FER1L6: variants seen among roughly 807,000 people sequenced by gnomAD.
FER1L6 encodes the protein fer-1 like family member 6, also known as fer-1-like protein 6.
In FER1L6, 177 loss-of-function variants were observed where a neutral mutation model predicts 219.2. The observed-to-expected ratio is 0.81, with a 90% CI of 0.71 to 0.91. FER1L6 has a LOEUF of 0.91. FER1L6 is among the 40% of genes least tolerant of loss of function. The pLI, the probability that FER1L6 is intolerant of heterozygous loss-of-function variation, is 0.00. For synonymous variants in FER1L6, 768 were observed against 824.3 expected, an observed-to-expected ratio of 0.93 and a Z score of 1.17; for missense variants, 2,153 against 2,259.9, an observed-to-expected ratio of 0.95 and a Z score of 0.96.
intron 2 of FER1L6, among the ~76,000 whole-genome samples, chr8:123,962,625 T>C (rs2130183039): frequency 6.6e-6 from 1 of 152,250 alleles, no homozygotes; most frequent in Admixed American, 6.5e-5. Flanking sequence ...TTATTTCTGT[T>C]TTTTATTTTT....
intron 18 of FER1L6, among the ~76,000 whole-genome samples, chr8:124,032,386 C>A (rs1408096663): frequency 6.6e-6 from 1 of 152,112 alleles, no homozygotes; most frequent in Admixed American, 6.5e-5. Context: ...GATTGCACCA[C>A]TGCACTCTAG....
chr8:123,856,316 G>GTGTGTGTGTGTGTGTA (rs71576706), intron 1 of FER1L6, among the ~76,000 whole-genome samples: 4 of 45,112 alleles, frequency 8.9e-5, no homozygotes, highest in Non-Finnish European at 1.4e-4. Flanking sequence ...ATATGTATGT[G>GTGTGTGTGTGTGTGTA]TATATATATA....
rs1239715868 is a variant in FER1L6 at position 123,975,161 on chromosome 8, T to C, written c.538T>C (p.Cys180Arg). The change falls in exon 8 of 41, where the codon TGC (cysteine) becomes CGC (arginine). Residue 180 changes from cysteine (C) to arginine (R), a missense_variant. Physicochemically the swap from Cys to Arg is radical, Grantham distance 180 (BLOSUM62 -3). Coordinates refer to ENST00000522917, the MANE Select transcript of FER1L6 (RefSeq NM_001039112.2). ...TVYNQPGHQFCNKWALLTDPG... is the reference protein window; with the variant it reads ...TVYNQPGHQFRNKWALLTDPG... Reference sequence around the variant, plus strand: ...GGGTGCTTTCACAGGTCATCAGTTCTGCAACAAGTGGGCCCTGCTCACAGA... The same window carrying C: ...GGGTGCTTTCACAGGTCATCAGTTCCGCAACAAGTGGGCCCTGCTCACAGA... The C allele has an allele frequency of 6.2e-7, 1 of 1,603,772 alleles. No homozygotes were observed. The highest frequency in any genetic ancestry group is 1.7e-5 in the Admixed American group (1 of 59,472).
intron 12 of FER1L6, among the ~76,000 whole-genome samples, chr8:123,993,348 A>G (rs1368244860): frequency 2.0e-5 from 3 of 149,848 alleles, no homozygotes; most frequent in Non-Finnish European, 4.5e-5. Context: ...AGGCTGAGGC[A>G]GGAGAATGGC....
intron 39 of FER1L6, among the ~76,000 whole-genome samples, chr8:124,112,311 C>A (rs1357865271): frequency 6.6e-6 from 1 of 152,182 alleles, no homozygotes. Flanking sequence ...AGTGTCCCCC[C>A]AGCAGTATCA....
At chr8:123,946,319 T>C (rs936274389) in intron 1 of FER1L6, among the ~76,000 whole-genome samples, 1 of 152,206 alleles carries the variant, frequency 6.6e-6, no homozygotes, top group African/African-American at 2.4e-5. Context: ...TGGGGAGATC[T>C]TGGCTCACTG....
At chr8:124,006,727 C>T (rs1019207161) in intron 13 of FER1L6, among the ~76,000 whole-genome samples, 10 of 152,162 alleles carry the variant, frequency 6.6e-5, no homozygotes, top group Admixed American at 2.0e-4. Flanking sequence ...GGTCCTGTAT[C>T]GGGACAGCCA....
chr8:123,943,921 T>G, intron 1 of FER1L6, among the ~76,000 whole-genome samples: 1 of 151,974 alleles, frequency 6.6e-6, no homozygotes, highest in South Asian at 2.1e-4. Context: ...TAAGTACCAT[T>G]TGGATGGTAC....
At chr8:124,106,813 G>A (rs1429779741) in intron 39 of FER1L6, among the ~76,000 whole-genome samples, 1 of 152,002 alleles carries the variant, frequency 6.6e-6, no homozygotes, top group African/African-American at 2.4e-5. Context: ...GTATGTTTTT[G>A]CTTTCTGTTC....
chr8:124,060,122 C>T (rs2130821695), intron 22 of FER1L6, 58 bp from the exon 23 acceptor site: 3 of 1,270,820 alleles, frequency 2.4e-6, no homozygotes, highest in Non-Finnish European at 3.5e-6. Flanking sequence ...GGTTGTGTGG[C>T]ACTGTTGCCT....
intron 1 of FER1L6, among the ~76,000 whole-genome samples, chr8:123,927,531 G>C (rs1813610372): frequency 6.6e-6 from 1 of 152,122 alleles, no homozygotes; most frequent in South Asian, 2.1e-4. Context: ...TGTTAAATTG[G>C]AATTTTGGCT....
intron 8 of FER1L6, among the ~76,000 whole-genome samples, chr8:123,975,675 A>G (rs1245358413): frequency 1.3e-5 from 2 of 152,226 alleles, no homozygotes; most frequent in African/African-American, 4.8e-5. Context: ...AGTGGGAGAC[A>G]GTATTTATCC....
chr8:124,106,987 C>T (rs1234625402), intron 39 of FER1L6, among the ~76,000 whole-genome samples: 11 of 143,976 alleles, frequency 7.6e-5, no homozygotes, highest in Non-Finnish European at 9.0e-5. Context: ...CTCGCTCTGT[C>T]GCCCAGGCTG....
intron 12 of FER1L6, among the ~76,000 whole-genome samples, chr8:123,990,452 T>C (rs1459007359): frequency 5.3e-5 from 8 of 152,352 alleles, no homozygotes; most frequent in African/African-American, 1.9e-4. Flanking sequence ...ACTGTGGTTT[T>C]AATTTGCATT....
chr8:124,097,115 T>C (rs1159428944), intron 35 of FER1L6, among the ~76,000 whole-genome samples, 156 bp from the exon 36 acceptor site: 2 of 150,970 alleles, frequency 1.3e-5, no homozygotes, highest in African/African-American at 4.9e-5. Context: ...ATACTTTTTT[T>C]GTCAACAGAT....
chr8:124,105,603 T>A (rs1420265290), intron 39 of FER1L6, among the ~76,000 whole-genome samples: 1 of 152,186 alleles, frequency 6.6e-6, no homozygotes, highest in African/African-American at 2.4e-5. Flanking sequence ...GGTTACTGTG[T>A]CAAGTGCTCC....
intron 25 of FER1L6, among the ~76,000 whole-genome samples, chr8:124,062,715 C>T (rs1170753084): frequency 6.6e-6 from 1 of 152,200 alleles, no homozygotes; most frequent in Non-Finnish European, 1.5e-5. Flanking sequence ...ATCAGTGCTG[C>T]AATGAATATC....
At chr8:123,857,902 C>G (rs1213521679) in intron 1 of FER1L6, among the ~76,000 whole-genome samples, 1 of 152,198 alleles carries the variant, frequency 6.6e-6, no homozygotes, top group East Asian at 1.9e-4. Context: ...GACTGATAAA[C>G]TCTCCAAAAG....
At position 124,010,596 on chromosome 8, in the gene FER1L6, A is replaced by G. The variant is rs746269719; in HGVS notation, c.1703A>G (p.Asn568Ser). The stretch of plus-strand genomic sequence containing the variant: ...TCCAGACCTAATTGTTTTCACAGGA[A>G]TTACAACTATTTGCCATTTGAGGCT... ...EKPLVTEGNR[N>S]YNYLPFEAKK... Residue 568 changes from asparagine (N) to serine (S), a missense_variant and splice_region_variant, in exon 14 of 41, where the codon AAT (asparagine) becomes AGT (serine). By Grantham distance (46) the Asn-to-Ser change is conservative. Transcript: ENST00000522917. The G allele has an allele frequency of 1.2e-6, 2 of 1,613,740 alleles. No individual in the cohort carries two copies. The highest frequency in any genetic ancestry group is 1.1e-5 in the South Asian group (1 of 90,912).
Sources: allele counts gnomAD v4.1 joint callset (sites outside exome capture counted in the v4.1 genomes callset), GRCh38; gene constraint gnomAD v4.1.1; transcripts MANE v1.5; gene names NCBI Gene and HGNC (gene_info 2026-07-23, HGNC 2026-07-21).